DCN: variants seen among roughly 807,000 people sequenced by gnomAD.
DCN encodes decorin, also known as bone proteoglycan II.
Under a neutral mutation model 36.5 loss-of-function variants are expected in DCN, and 17 were observed. That is an observed-to-expected ratio of 0.47 (90% CI 0.32 to 0.70). The LOEUF (loss-of-function observed/expected upper bound fraction) is 0.70. DCN is among the 30% of genes least tolerant of loss of function. The probability of loss-of-function intolerance (pLI) is 0.04; values close to 1 mark genes in which losing one functional copy is unlikely to be tolerated. For missense variants in DCN, 389 were observed against 430.1 expected, an observed-to-expected ratio of 0.90 and a Z score of 0.84; for synonymous variants, 163 against 161.4, an observed-to-expected ratio of 1.01 and a Z score of -0.07.
At chr12:91,162,098 G>C (rs969691240) in intron 3 of DCN, among the ~76,000 whole-genome samples, 3 of 151,946 alleles carry the variant, frequency 2.0e-5, no homozygotes, top group Non-Finnish European at 4.4e-5. Context: ...GCGCCACCAT[G>C]CCCAGCTAAT....
rs992326587 is a variant in DCN, at chr12:91,143,311, A to T, written c.*2747T>A. 6.6e-6 allele frequency: 1 copy of T among 152,182 alleles called. No individual in the cohort carries two copies. The allele number at this position is 152,182 out of a possible 1,614,324, so 9.4% of individuals were successfully genotyped here. On this transcript the variant is annotated 3_prime_UTR_variant, in exon 8 of 8. Coordinates refer to ENST00000052754, the MANE Select transcript of DCN (RefSeq NM_001920.5). ...GCCACCCAGTTTTTGGTACTTTATT[A>T]TAGCAGCTGTGAGTTCCTTACAGAG... is the stretch of plus-strand genomic sequence containing the variant.
Position 91,151,689 on chromosome 12 carries a change from C to G in DCN, c.850G>C (p.Val284Leu). ...LHLDNNKLTR[V>L]PGGLAEHKYI... ...TTATGCTCTGCCAGCCCACCAGGTA[C>G]TCTGGTAAGCTTGTTGTTGTCCAAG... The change falls in exon 7 of 8, where the codon GTA becomes CTA. Residue 284 changes from valine to leucine, a missense_variant. Val to Leu is a conservative substitution (Grantham distance 32). Coordinates refer to ENST00000052754, the MANE Select transcript of DCN (RefSeq NM_001920.5). 1 of 1,614,078 alleles carries G rather than the reference C, an allele frequency of 6.2e-7. No individual in the cohort carries two copies. Among genetic ancestry groups the G allele is most frequent in the Non-Finnish European group, 8.5e-7 (1 of 1,179,940 alleles).
Position 91,155,541 on chromosome 12 carries a change from C to G in DCN, c.652+1534G>C, listed in dbSNP as rs768501574. ...ATTTTGGAGCATGCATTAAGAGGGA[C>G]AGCAAAGTCTGAGATTGTGCTAAAT... On this transcript the variant is annotated intron_variant, in intron 5 of 7. Coordinates refer to ENST00000052754, the MANE Select transcript of DCN (RefSeq NM_001920.5). Among the ~76,000 whole-genome samples, 4 of 152,208 alleles carry G rather than the reference C, an allele frequency of 2.6e-5. No individual in the cohort carries two copies. The South Asian group carries it at 6.2e-4, about 24-fold the overall frequency.
At chr12:91,149,807 A>T (rs1881288444) in intron 7 of DCN, among the ~76,000 whole-genome samples, 1 of 152,158 alleles carries the variant, frequency 6.6e-6, no homozygotes, top group Non-Finnish European at 1.5e-5. Context: ...GCAAACAAAT[A>T]AAAAAATTAA....
chr12:91,172,777 A>G, intron 2 of DCN: 2 of 700,468 alleles, frequency 2.9e-6, no homozygotes, highest in Non-Finnish European at 5.2e-6. Flanking sequence ...TTCATTCATC[A>G]ATCGTTCAGT....
chr12:91,158,885 C>A (rs1159810389), intron 3 of DCN, among the ~76,000 whole-genome samples: 1 of 151,878 alleles, frequency 6.6e-6, no homozygotes, highest in Non-Finnish European at 1.5e-5. Context: ...TCACTTGAAC[C>A]TGGGAGGCAG....
intron 2 of DCN, 58 bp downstream of exon 2, chr12:91,178,284 T>C: frequency 2.1e-6 from 3 of 1,438,150 alleles, no homozygotes; most frequent in Non-Finnish European, 2.9e-6. Flanking sequence ...CTCTCAGAGT[T>C]GCCATTCCCA....
intron 3 of DCN, among the ~76,000 whole-genome samples, chr12:91,158,725 G>C (rs1881961550): frequency 6.6e-6 from 1 of 152,238 alleles, no homozygotes; most frequent in South Asian, 2.1e-4. Flanking sequence ...ACTTTGGGAG[G>C]CTGAGGTGGG....
At chr12:91,168,597 G>T (rs746777303) in intron 2 of DCN, among the ~76,000 whole-genome samples, 1 of 152,170 alleles carries the variant, frequency 6.6e-6, no homozygotes, top group East Asian at 1.9e-4. Flanking sequence ...ATGATGAAAA[G>T]TTTATGAGTA....
chr12:91,171,287 T>C (rs754833370), intron 2 of DCN, among the ~76,000 whole-genome samples: 2 of 152,202 alleles, frequency 1.3e-5, no homozygotes, highest in Non-Finnish European at 2.9e-5. Context: ...GGACATGTAA[T>C]ATCTGTGGGC....
At chr12:91,146,350 A>AATTTTTTTTT in intron 7 of DCN, 98 bp from the exon 8 acceptor site, 1 of 508,104 alleles carries the variant, frequency 2.0e-6, no homozygotes, top group Non-Finnish European at 3.2e-6. Context: ...TTAATCCTTC[A>AATTTTTTTTT]CTTTTTTTTT....
In DCN at chr12:91,145,169, C is replaced by T. The variant is rs1017232630; in HGVS notation, c.*889G>A. ...AGTTGTTTATAAATTCTACAGAAAACATTTCTAACATGGGTGGTTTAACTA... is the reference window on the plus strand; with the variant it reads ...AGTTGTTTATAAATTCTACAGAAAATATTTCTAACATGGGTGGTTTAACTA... On this transcript the variant is annotated 3_prime_UTR_variant, in exon 8 of 8. Transcript: ENST00000052754. The T allele has an allele frequency of 6.6e-6, 1 of 152,164 alleles. No homozygotes were observed. The highest frequency in any genetic ancestry group is 2.4e-5 in the African/African-American group (1 of 41,454). 9.4% of individuals were successfully genotyped at this position (152,164 alleles called of 1,614,324 possible).
chr12:91,177,521 A>G, intron 2 of DCN: 1 of 700,422 alleles, frequency 1.4e-6, no homozygotes, highest in Non-Finnish European at 2.6e-6. Context: ...ATGAGCTGCC[A>G]TGTAAACTGA....
Position 91,144,529 on chromosome 12 carries a change from T to C in DCN, c.*1529A>G, listed in dbSNP as rs553752727. 1.3e-5 allele frequency: 2 copies of C among 152,294 alleles called. No individual in the cohort carries two copies. The highest frequency in any genetic ancestry group is 4.2e-4 in the South Asian group (2 of 4,814). The allele number at this position is 152,294 out of a possible 1,614,324, so 9.4% of individuals were successfully genotyped here. On this transcript the variant is annotated 3_prime_UTR_variant, in exon 8 of 8. Transcript: ENST00000052754. ...TTCAGATTTTATGGTCCTGCAAGAA[T>C]GTGGAAAGATGGAAAAGAGTAACTT...
chr12:91,157,423 T>C (rs892115529), intron 4 of DCN, among the ~76,000 whole-genome samples: 2 of 152,190 alleles, frequency 1.3e-5, no homozygotes, highest in Non-Finnish European at 2.9e-5. Flanking sequence ...TAATGACTTA[T>C]GAAAAAGACT....
At chr12:91,160,522 A>G (rs1473681490) in intron 3 of DCN, among the ~76,000 whole-genome samples, 1 of 152,142 alleles carries the variant, frequency 6.6e-6, no homozygotes, top group African/African-American at 2.4e-5. Context: ...TACTCAAGCC[A>G]GAATTCTGAG....
rs778805558 is a variant in DCN, at chr12:91,145,704, T to C, written c.*354A>G. On this transcript the variant is annotated 3_prime_UTR_variant, in exon 8 of 8. Transcript: ENST00000052754. ...CAAATGAGCTAACTGCTCAATGAATTACAGAAGACTCATACTCTTTTTATT... is the reference window on the plus strand; with the variant it reads ...CAAATGAGCTAACTGCTCAATGAATCACAGAAGACTCATACTCTTTTTATT... The C allele has an allele frequency of 5.9e-5, 23 of 390,708 alleles. No individual in the cohort carries two copies. The highest frequency in any genetic ancestry group is 7.2e-4 in the Middle Eastern group (2 of 2,760). 24.2% of individuals were successfully genotyped at this position (390,708 alleles called of 1,614,324 possible).
chr12:91,156,130 C>T (rs868836804), intron 5 of DCN, among the ~76,000 whole-genome samples: 1 of 152,248 alleles, frequency 6.6e-6, no homozygotes, highest in East Asian at 1.9e-4. Flanking sequence ...TGGTTTGATG[C>T]CTTTTGTAAT....
intron 2 of DCN, chr12:91,175,943 T>A (rs1034543668): frequency 6.6e-6 from 1 of 152,152 alleles, no homozygotes; most frequent in South Asian, 2.1e-4. Flanking sequence ...TGCATGAAGC[T>A]GCTACTATGA....
Sources: gnomAD v4.1 joint callset for allele counts (sites outside exome capture counted in the v4.1 genomes callset) on GRCh38, gnomAD v4.1.1 for gene constraint, MANE v1.5 for transcripts, NCBI Gene and HGNC (gene_info 2026-07-23, HGNC 2026-07-21) for gene names.